EIF4G3: variants seen among roughly 807,000 people sequenced by gnomAD.
EIF4G3 encodes the protein eIF-4-gamma 3.
Under a neutral mutation model 186.4 loss-of-function variants are expected in EIF4G3, and 34 were observed. That is an observed-to-expected ratio of 0.18 (90% CI 0.14 to 0.24). The LOEUF is 0.24. Among genes scored for constraint, EIF4G3 ranks in the 10% least tolerant of loss-of-function variants. The pLI is 1.00. For synonymous variants in EIF4G3, 673 were observed against 679.5 expected (o/e 0.99, Z 0.15); for missense variants, 1,536 against 1,948.5 (o/e 0.79, Z 3.99).
intron 3 of EIF4G3, among the ~76,000 whole-genome samples, chr1:21,077,449 T>C (rs1157932542): frequency 4.6e-5 from 7 of 151,472 alleles, no homozygotes; most frequent in African/African-American, 1.7e-4. Flanking sequence ...AACAGACATT[T>C]CTCAAAAGAA....
At chr1:20,965,484 G>C (rs1228751610) in intron 12 of EIF4G3, among the ~76,000 whole-genome samples, 2 of 152,010 alleles carry the variant, frequency 1.3e-5, no homozygotes, top group Non-Finnish European at 2.9e-5. Flanking sequence ...AAATTATATG[G>C]TCATCCTTTT....
intron 10 of EIF4G3, among the ~76,000 whole-genome samples, chr1:20,979,359 G>T (rs141594058): frequency 1.3e-5 from 2 of 152,224 alleles, no homozygotes; most frequent in African/African-American, 4.8e-5. Flanking sequence ...GAGAATCACA[G>T]GTTCACTGAG....
rs112958291 is a variant in EIF4G3 at position 20,812,256 on chromosome 1, T to A, written c.4597+902A>T. ...CTGGGCAACACAGTGACCCCCACCA[T>A]CTCAAGAAAACAAAAACCAAACAGC... On this transcript the variant is annotated intron_variant, in intron 35 of 36. Transcript: ENST00000602326. Among the ~76,000 whole-genome samples, 948 of 152,238 alleles carry A rather than the reference T, an allele frequency of 6.2e-3. 11 individuals are homozygous for A. Among genetic ancestry groups the A allele is most frequent in the African/African-American group, 0.022 (915 of 41,528 alleles).
intron 3 of EIF4G3, among the ~76,000 whole-genome samples, chr1:21,074,102 A>C (rs1010549284): frequency 3.3e-5 from 5 of 152,326 alleles, no homozygotes; most frequent in African/African-American, 1.2e-4. Flanking sequence ...AACCAATCTT[A>C]ATAATTTTGC....
chr1:20,987,363 A>G (rs927013436), intron 7 of EIF4G3, among the ~76,000 whole-genome samples: 10 of 152,258 alleles, frequency 6.6e-5, no homozygotes, highest in African/African-American at 2.2e-4. Context: ...TCTGAGTACA[A>G]GCATAGCTCA....
chr1:20,862,159 C>T, intron 23 of EIF4G3, 69 bp downstream of exon 23: 1 of 940,588 alleles, frequency 1.1e-6, no homozygotes, highest in Admixed American at 2.4e-5. Flanking sequence ...AACAGGACAT[C>T]CTTCCCCAAC....
At chr1:21,040,543 T>C (rs2093507197) in intron 4 of EIF4G3, among the ~76,000 whole-genome samples, 1 of 152,134 alleles carries the variant, frequency 6.6e-6, no homozygotes, top group Non-Finnish European at 1.5e-5. Flanking sequence ...GGCCGGGACG[T>C]ATGGCTGGTA....
intron 12 of EIF4G3, among the ~76,000 whole-genome samples, chr1:20,966,220 C>G (rs763523690): frequency 1.3e-5 from 2 of 152,306 alleles, no homozygotes; most frequent in Non-Finnish European, 2.9e-5. Flanking sequence ...GCCAATACTA[C>G]AGTATTTACT....
chr1:20,882,535 C>T (rs965291900), intron 19 of EIF4G3, among the ~76,000 whole-genome samples: 6 of 151,394 alleles, frequency 4.0e-5, no homozygotes, highest in African/African-American at 1.2e-4. Context: ...GCAGGAGAAT[C>T]GCTTGAACCC....
intron 2 of EIF4G3, among the ~76,000 whole-genome samples, chr1:21,150,373 A>C (rs565762383): frequency 1.3e-5 from 2 of 152,358 alleles, no homozygotes; most frequent in South Asian, 2.1e-4. Context: ...AAAGATGCCT[A>C]TATTCAAGTA....
At chr1:21,084,942 T>C (rs1294087050) in intron 3 of EIF4G3, among the ~76,000 whole-genome samples, 1 of 151,248 alleles carries the variant, frequency 6.6e-6, no homozygotes, top group African/African-American at 2.4e-5. Flanking sequence ...TCCATTACCA[T>C]ATCCTGAACA....
chr1:21,070,632 A>C (rs2095414635), intron 3 of EIF4G3, among the ~76,000 whole-genome samples: 1 of 152,184 alleles, frequency 6.6e-6, no homozygotes, highest in Non-Finnish European at 1.5e-5. Flanking sequence ...TAACCTACTA[A>C]CATTTTAAGA....
At chr1:21,037,845 T>C (rs1308643115) in intron 4 of EIF4G3, among the ~76,000 whole-genome samples, 1 of 152,214 alleles carries the variant, frequency 6.6e-6, no homozygotes, top group Non-Finnish European at 1.5e-5. Context: ...CCTAATCGGC[T>C]GTGGGATTAG....
chr1:20,928,879 C>T (rs1244257118), intron 14 of EIF4G3, among the ~76,000 whole-genome samples: 1 of 151,980 alleles, frequency 6.6e-6, no homozygotes, highest in Non-Finnish European at 1.5e-5. Context: ...GTATTAGCAC[C>T]GTCTCCCCAC....
intron 2 of EIF4G3, among the ~76,000 whole-genome samples, chr1:21,140,397 T>A (rs2102642717): frequency 6.6e-6 from 1 of 152,256 alleles, no homozygotes; most frequent in East Asian, 1.9e-4. Context: ...CACAGCAACC[T>A]CAGCCTCCTG....
chr1:21,130,413 G>A (rs771800504), intron 2 of EIF4G3, among the ~76,000 whole-genome samples: 4 of 151,616 alleles, frequency 2.6e-5, no homozygotes, highest in African/African-American at 4.9e-5. Context: ...TTTTTTAGTT[G>A]AGATGGGGTT....
At chr1:20,906,772 ACTT>A (rs1239169436) in intron 14 of EIF4G3, among the ~76,000 whole-genome samples, 1 of 151,836 alleles carries the variant, frequency 6.6e-6, no homozygotes, top group Non-Finnish European at 1.5e-5. Context: ...AAGAGCACAG[ACTT>A]CTTTAGGAGA....
At chr1:20,954,505 C>T (rs1286944367) in intron 12 of EIF4G3, among the ~76,000 whole-genome samples, 1 of 128,978 alleles carries the variant, frequency 7.8e-6, no homozygotes, top group Admixed American at 9.7e-5. Context: ...CACTGCATTC[C>T]AGCCTGGCGA....
In EIF4G3 at chr1:21,001,189, T is replaced by C. The variant is rs1237450414; in HGVS notation, c.144+10A>G. 4.2e-6 allele frequency: 2 copies of C among 471,576 alleles called. No individual in the cohort carries two copies. Among genetic ancestry groups the C allele is most frequent in the Non-Finnish European group, 4.4e-6 (1 of 227,116 alleles). 29.2% of individuals were successfully genotyped at this position (471,576 alleles called of 1,614,324 possible). ...TGCCTGCAAGAAGTACAGTTTGTTA[T>C]ATTGCTTACAATGCAGTATTTTATC... On this transcript the variant is annotated intron_variant, in intron 6 of 36. Coordinates refer to ENST00000602326, the MANE Select transcript of EIF4G3 (RefSeq NM_001391906.1).
Sources: allele counts gnomAD v4.1 joint callset (sites outside exome capture counted in the v4.1 genomes callset), GRCh38; gene constraint gnomAD v4.1.1; transcripts MANE v1.5; gene names NCBI Gene and HGNC (gene_info 2026-07-23, HGNC 2026-07-21).